Variants in NAA40 observed in about 807,000 individuals in gnomAD.
NAA40 encodes the protein N-alpha-acetyltransferase 40.
NAA40 carries 26 observed loss-of-function variants against 36.6 expected under a neutral mutation model. That is an observed-to-expected ratio of 0.71 (90% CI 0.52 to 0.98). The LOEUF is 0.98. NAA40 is among the 50% of genes least tolerant of loss of function. The probability of loss-of-function intolerance (pLI) is 0.00; values close to 1 mark genes in which losing one functional copy is unlikely to be tolerated. For missense variants in NAA40, 237 were observed against 306.5 expected (o/e 0.77, Z 1.69); for synonymous variants, 129 against 108.4 (o/e 1.19, Z -1.18).
At chr11:63,952,941 T>A in intron 6 of NAA40, 102 bp downstream of exon 6, 3 of 973,028 alleles carry the variant, frequency 3.1e-6, no homozygotes, top group Non-Finnish European at 3.1e-6. Flanking sequence ...AGGAGGCTCA[T>A]AGGCATGTTT....
chr11:63,947,727 G>GTTT (rs55682014), intron 3 of NAA40, among the ~76,000 whole-genome samples: 1,874 of 118,130 alleles, frequency 0.016, 105 homozygotes, highest in Non-Finnish European at 0.023. Context: ...ATTTTTGTGG[G>GTTT]TTTTTTTTTT....
intron 1 of NAA40, among the ~76,000 whole-genome samples, chr11:63,941,896 CGT>C (rs1479252573): frequency 2.6e-5 from 4 of 151,996 alleles, no homozygotes; most frequent in Admixed American, 2.6e-4. Context: ...CCCTTCCAGT[CGT>C]AGAACTGTGT....
chr11:63,952,723 C>G (rs762241820), intron 5 of NAA40, 33 bp from the exon 6 acceptor site: 4 of 1,612,558 alleles, frequency 2.5e-6, no homozygotes, highest in South Asian at 1.1e-5. Context: ...ATGTCCCATC[C>G]TGCACGCTCA....
At chr11:63,947,262 G>C (rs2134272759) in intron 3 of NAA40, among the ~76,000 whole-genome samples, 1 of 152,148 alleles carries the variant, frequency 6.6e-6, no homozygotes, top group African/African-American at 2.4e-5. Context: ...CAAAAAATTA[G>C]CTGGCACGGT....
Position 63,954,114 on chromosome 11 carries a change from C to T in NAA40, c.572+65C>T, listed in dbSNP as rs746633525. On this transcript the variant is annotated intron_variant, in intron 7 of 7. Transcript: ENST00000377793. The stretch of plus-strand genomic sequence containing the variant: ...GCCTGCCCAGGGCCATTTTTCTGGT[C>T]CTGGCCCTCACTCATTCTGATGCCT... 7 of 1,538,780 alleles carry T rather than the reference C, an allele frequency of 4.5e-6. No homozygotes were observed. In the East Asian group the frequency reaches 1.1e-4, roughly 25 times the overall value.
intron 3 of NAA40, among the ~76,000 whole-genome samples, chr11:63,949,144 G>A (rs1942235088): frequency 6.6e-6 from 1 of 152,076 alleles, no homozygotes; most frequent in Non-Finnish European, 1.5e-5. Context: ...CATGGTAGCA[G>A]CATTGCACTC....
chr11:63,940,562 A>G (rs771868005), intron 1 of NAA40, among the ~76,000 whole-genome samples: 7 of 152,216 alleles, frequency 4.6e-5, no homozygotes, highest in Non-Finnish European at 1.0e-4. Flanking sequence ...TAATGGATGT[A>G]GATTGCTAAG....
At chr11:63,939,448 G>A in intron 1 of NAA40, 22 of 1,084,026 alleles carry the variant, frequency 2.0e-5, no homozygotes, top group Non-Finnish European at 2.5e-5. Flanking sequence ...TCACCTGGCT[G>A]TCACCAGCTT....
intron 3 of NAA40, among the ~76,000 whole-genome samples, chr11:63,948,553 CTAAAAATA>C (rs1942225622): frequency 6.6e-6 from 1 of 151,856 alleles, no homozygotes; most frequent in African/African-American, 2.4e-5. Context: ...CCCGTCTCTA[CTAAAAATA>C]TAAAAAATTA....
chr11:63,939,183 C>G (rs1942065359), intron 1 of NAA40, 81 bp downstream of exon 1: 2 of 1,109,764 alleles, frequency 1.8e-6, no homozygotes. Context: ...AAACCCCCCT[C>G]TCACGTGACC....
intron 1 of NAA40, chr11:63,939,398 G>T (rs1368226402): frequency 8.4e-7 from 1 of 1,190,720 alleles, no homozygotes; most frequent in Non-Finnish European, 1.0e-6. Flanking sequence ...TCCCCCGCGG[G>T]GACCCTGGGG....
intron 5 of NAA40, 47 bp from the exon 6 acceptor site, chr11:63,952,709 C>T: frequency 6.2e-7 from 1 of 1,610,156 alleles, no homozygotes; most frequent in Middle Eastern, 1.7e-4. Context: ...CTTACAGCCT[C>T]TTCATGTCCC....
At chr11:63,953,871 C>A in intron 6 of NAA40, 101 bp from the exon 7 acceptor site, 1 of 962,344 alleles carries the variant, frequency 1.0e-6, no homozygotes, top group Non-Finnish European at 1.6e-6. Flanking sequence ...CTCAAATGAT[C>A]CTCCCACCTT....
chr11:63,940,433 CGCT>C (rs1169367021), intron 1 of NAA40, among the ~76,000 whole-genome samples: 1 of 152,166 alleles, frequency 6.6e-6, no homozygotes, highest in Non-Finnish European at 1.5e-5. Flanking sequence ...GCCCCGTCTT[CGCT>C]GCTGGTGGTA....
chr11:63,950,370 C>T (rs770652095), intron 3 of NAA40, among the ~76,000 whole-genome samples: 29 of 152,114 alleles, frequency 1.9e-4, no homozygotes, highest in Non-Finnish European at 3.2e-4. Flanking sequence ...CCACCTGCCT[C>T]AACCTCCCGA....
intron 6 of NAA40, among the ~76,000 whole-genome samples, chr11:63,953,331 C>T (rs1942312407): frequency 6.6e-6 from 1 of 152,148 alleles, no homozygotes; most frequent in Non-Finnish European, 1.5e-5. Context: ...AGGCATGAGC[C>T]ACCACACCTG....
At chr11:63,946,929 C>A in intron 2 of NAA40, 22 bp from the exon 3 acceptor site, 2 of 1,613,806 alleles carry the variant, frequency 1.2e-6, no homozygotes, top group African/African-American at 2.7e-5. Flanking sequence ...CTGTGCTGTT[C>A]CTCTTTTCTT....
In NAA40 at chr11:63,946,047, C is replaced by T. The variant is rs906969463; in HGVS notation, c.102+112C>T. On this transcript the variant is annotated intron_variant, in intron 2 of 7. Coordinates refer to ENST00000377793, the MANE Select transcript of NAA40 (RefSeq NM_024771.4). ...GAATTGTGACACTACCCACCCACAC[C>T]GCCTCTGCCTCCTTGCTGTGCAGGG... 1.1e-4 allele frequency: 101 copies of T among 889,464 alleles called. 1 individual carries two copies. The highest frequency in any genetic ancestry group is 1.1e-4 in the Non-Finnish European group (63 of 556,036). The allele number at this position is 889,464 out of a possible 1,614,324, so 55.1% of individuals were successfully genotyped here.
intron 3 of NAA40, 56 bp downstream of exon 3, chr11:63,947,059 C>T (rs1942199825): frequency 6.5e-7 from 1 of 1,529,976 alleles, no homozygotes; most frequent in African/African-American, 1.4e-5. Flanking sequence ...TCAGGAATTC[C>T]CTTTCCAGAG....
Sources: gnomAD v4.1 joint callset for allele counts (sites outside exome capture counted in the v4.1 genomes callset) on GRCh38, gnomAD v4.1.1 for gene constraint, MANE v1.5 for transcripts, NCBI Gene and HGNC (gene_info 2026-07-23, HGNC 2026-07-21) for gene names.